The following SCML2 variants were observed in gnomAD, a reference collection of about 807,000 sequenced individuals.
SCML2 encodes Scm polycomb group protein like 2, also known as sex comb on midleg-like protein 2.
SCML2 carries 6 observed loss-of-function variants against 48.4 expected under a neutral mutation model. That is an observed-to-expected ratio of 0.12 (90% confidence interval 0.07 to 0.24). SCML2 has a LOEUF of 0.24. Among genes scored for constraint, SCML2 ranks in the 10% least tolerant of loss-of-function variants. SCML2 has a pLI of 1.00. For missense variants in SCML2, 377 were observed against 528.2 expected, an observed-to-expected ratio of 0.71 and a Z score of 2.81; for synonymous variants, 181 against 189.5, an observed-to-expected ratio of 0.95 and a Z score of 0.37.
At position 18,344,494 on chromosome X, in the gene SCML2, T is replaced by C. The variant is rs183488541; in HGVS notation, c.-25+10098A>G. On this transcript the variant is annotated intron_variant, in intron 1 of 14. Coordinates refer to ENST00000251900, the MANE Select transcript of SCML2 (RefSeq NM_006089.3). ...GTTTGGTGTCCCTACCCAAATCTCATCTTCAATTGTAGCTCTCATAATTCC... is the reference window on the plus strand; with the variant it reads ...GTTTGGTGTCCCTACCCAAATCTCACCTTCAATTGTAGCTCTCATAATTCC... 3.9e-3 allele frequency among the ~76,000 whole-genome samples: 437 copies of C among 112,164 alleles called. 4 individuals are homozygous for C. The highest frequency in any genetic ancestry group is 0.013 in the African/African-American group (412 of 30,903).
intron 7 of SCML2, among the ~76,000 whole-genome samples, chrX:18,296,473 T>C (rs1928400876): frequency 9.3e-6 from 1 of 107,940 alleles, no homozygotes; most frequent in African/African-American, 3.4e-5. Flanking sequence ...CAAACAAATA[T>C]ACAAATTTTG....
chrX:18,313,991 G>A, intron 6 of SCML2, among the ~76,000 whole-genome samples: 1 of 111,178 alleles, frequency 9.0e-6, no homozygotes, highest in African/African-American at 3.3e-5. Context: ...CCATCATTGA[G>A]GTCTATTTAT....
chrX:18,286,945 C>G (rs1928074624), intron 7 of SCML2, among the ~76,000 whole-genome samples: 1 of 110,140 alleles, frequency 9.1e-6, no homozygotes, highest in Non-Finnish European at 1.9e-5. Context: ...TTGGACCTTG[C>G]ACCAATTTCC....
At chrX:18,275,018 G>A (rs765256603) in intron 7 of SCML2, among the ~76,000 whole-genome samples, 2 of 111,884 alleles carry the variant, frequency 1.8e-5, no homozygotes, top group South Asian at 3.8e-4. Context: ...TTGCCAATTC[G>A]AAAAATTTTA....
chrX:18,288,466 T>C (rs1378461525), intron 7 of SCML2, among the ~76,000 whole-genome samples: 2 of 111,433 alleles, frequency 1.8e-5, no homozygotes, highest in Non-Finnish European at 3.8e-5. Flanking sequence ...ATTTTTATGG[T>C]AGAAATAACC....
intron 7 of SCML2, among the ~76,000 whole-genome samples, chrX:18,304,482 A>C: frequency 8.9e-6 from 1 of 112,276 alleles, no homozygotes; most frequent in East Asian, 2.8e-4. Flanking sequence ...CCACAGAGTC[A>C]AAAATTTTCA....
At chrX:18,291,948 T>G in intron 7 of SCML2, among the ~76,000 whole-genome samples, 1 of 111,135 alleles carries the variant, frequency 9.0e-6, no homozygotes, top group Admixed American at 9.6e-5. Context: ...TGGAAAAAAG[T>G]TTTTACTTTT....
chrX:18,323,902 A>C lies in SCML2; in HGVS notation c.354T>G (p.Val118=). 6 of 1,211,269 alleles carry C rather than the reference A, an allele frequency of 5.0e-6. No individual in the cohort carries two copies. The highest frequency in any genetic ancestry group is 5.6e-6 in the Non-Finnish European group (5 of 894,892). The change falls in exon 5 of 15, where the codon GTT becomes GTG. Residue 118 remains valine, a synonymous_variant. Transcript: ENST00000251900. ...RLVDSPDIQP[V]GTCEKEGDLL... ...AGTCTCCTTCCTTTTCACATGTCCC[A>C]ACAGGTTGTATGTCTGGGGAATCGA... is the stretch of plus-strand genomic sequence containing the variant.
In SCML2 at chrX:18,241,005, A is replaced by G. The variant is rs1390184560; in HGVS notation, c.*246T>C. 2 of 185,853 alleles carry G rather than the reference A, an allele frequency of 1.1e-5. No homozygotes were observed. Among genetic ancestry groups the G allele is most frequent in the Non-Finnish European group, 2.0e-5 (2 of 99,615 alleles). The allele number at this position is 185,853 out of a possible 1,213,427, so 15.3% of individuals were successfully genotyped here. ...AAGAACTGCCAATTTGAATATGCCA[A>G]TACTAACCTGTTAAATGCTTTTTAA... is the stretch of plus-strand genomic sequence containing the variant. On this transcript the variant is annotated 3_prime_UTR_variant, in exon 15 of 15. Coordinates refer to ENST00000251900, the MANE Select transcript of SCML2 (RefSeq NM_006089.3).
chrX:18,279,486 CA>C (rs1257763581), intron 7 of SCML2, among the ~76,000 whole-genome samples: 103 of 112,065 alleles, frequency 9.2e-4, no homozygotes, highest in African/African-American at 3.2e-3. Context: ...TCTTTACCTC[CA>C]AAGGAGTCTA....
At chrX:18,343,075 T>G (rs1303493071) in intron 1 of SCML2, among the ~76,000 whole-genome samples, 1 of 111,637 alleles carries the variant, frequency 9.0e-6, no homozygotes, top group African/African-American at 3.2e-5. Flanking sequence ...TTTCCATTAT[T>G]TGTTTATTTT....
chrX:18,289,679 T>A (rs958576167), intron 7 of SCML2, among the ~76,000 whole-genome samples: 10 of 112,035 alleles, frequency 8.9e-5, no homozygotes, highest in African/African-American at 3.2e-4. Flanking sequence ...TGGCTGTAAC[T>A]GAACATACAC....
chrX:18,314,336 A>AAGGT (rs1929049631), intron 6 of SCML2, among the ~76,000 whole-genome samples: 1 of 110,676 alleles, frequency 9.0e-6, no homozygotes, highest in African/African-American at 3.3e-5. Context: ...CCCACCCTAT[A>AAGGT]AGGTAGGTAG....
chrX:18,286,261 T>C (rs1016338238), intron 7 of SCML2, among the ~76,000 whole-genome samples: 4 of 112,066 alleles, frequency 3.6e-5, no homozygotes, highest in African/African-American at 1.3e-4. Context: ...TCTAAATACA[T>C]AGATGTCTCT....
At chrX:18,339,413 G>C (rs978749183) in intron 1 of SCML2, among the ~76,000 whole-genome samples, 1 of 111,937 alleles carries the variant, frequency 8.9e-6, no homozygotes, top group African/African-American at 3.2e-5. Flanking sequence ...GGTGAGTATT[G>C]AAAATAGCTT....
At chrX:18,297,519 G>A (rs907583828) in intron 7 of SCML2, among the ~76,000 whole-genome samples, 1 of 111,948 alleles carries the variant, frequency 8.9e-6, no homozygotes, top group Non-Finnish European at 1.9e-5. Flanking sequence ...CAGGTGACAT[G>A]ATCTTGTATT....
At chrX:18,310,260 C>CTTTTTTTTTT (rs773391164) in intron 6 of SCML2, among the ~76,000 whole-genome samples, 5 of 62,365 alleles carry the variant, frequency 8.0e-5, no homozygotes, top group Non-Finnish European at 1.1e-4. Context: ...AACCACCTCC[C>CTTTTTTTTTT]TTTTTTTTTT....
chrX:18,304,570 AAC>A (rs1928697654), intron 7 of SCML2, among the ~76,000 whole-genome samples: 1 of 112,439 alleles, frequency 8.9e-6, no homozygotes, highest in Admixed American at 9.4e-5. Context: ...ACATGTTTAT[AAC>A]AGTTGTTAAG....
chrX:18,260,465 T>C (rs1927022292), intron 8 of SCML2, among the ~76,000 whole-genome samples, 174 bp from the exon 9 acceptor site: 1 of 111,341 alleles, frequency 9.0e-6, no homozygotes. Context: ...CAAACTGAGC[T>C]TCTCAGAGGA....
Sources: allele counts gnomAD v4.1 joint callset (sites outside exome capture counted in the v4.1 genomes callset), GRCh38; gene constraint gnomAD v4.1.1; transcripts MANE v1.5; gene names NCBI Gene and HGNC (gene_info 2026-07-23, HGNC 2026-07-21).